RUNX2: variants seen among roughly 807,000 people sequenced by gnomAD.
RUNX2 encodes the protein RUNX family transcription factor 2, also known as runt-related transcription factor 2.
In RUNX2, 10 loss-of-function variants were observed where a neutral mutation model predicts 51.7. That is an observed-to-expected ratio of 0.19 (90% CI 0.12 to 0.33). The LOEUF (loss-of-function observed/expected upper bound fraction) is 0.33. Ranked by LOEUF, RUNX2 falls within the 10% of genes least tolerant of loss-of-function variation. The probability of loss-of-function intolerance (pLI) is 1.00; values close to 1 mark genes in which losing one functional copy is unlikely to be tolerated. For synonymous variants in RUNX2, 276 were observed against 273.6 expected (o/e 1.01, Z -0.09); for missense variants, 562 against 691.3 (o/e 0.81, Z 2.10).
intron 3 of RUNX2, 42 bp downstream of exon 3, chr6:45,422,999 G>T (rs1230348291): frequency 6.3e-7 from 1 of 1,590,508 alleles, no homozygotes; most frequent in Non-Finnish European, 8.5e-7. Context: ...CGGGAGCGGC[G>T]GAACCTGCCC....
intron 2 of RUNX2, among the ~76,000 whole-genome samples, chr6:45,420,878 C>G (rs543999814): frequency 1.3e-5 from 2 of 152,306 alleles, no homozygotes; most frequent in East Asian, 1.9e-4. Context: ...TAATGATCGA[C>G]TTAGCCAGAG....
intron 2 of RUNX2, among the ~76,000 whole-genome samples, chr6:45,338,670 G>A (rs1432612898): frequency 6.6e-6 from 1 of 151,976 alleles, no homozygotes; most frequent in Non-Finnish European, 1.5e-5. Flanking sequence ...TTTTTATACT[G>A]GGCAATATAA....
intron 6 of RUNX2, among the ~76,000 whole-genome samples, chr6:45,496,197 C>G (rs1800642249): frequency 6.6e-6 from 1 of 152,170 alleles, no homozygotes; most frequent in African/African-American, 2.4e-5. Flanking sequence ...TCATTATCCT[C>G]TAGATGGGTC....
chr6:45,379,768 A>T (rs1238578800), intron 2 of RUNX2, among the ~76,000 whole-genome samples: 1 of 152,138 alleles, frequency 6.6e-6, no homozygotes, highest in Non-Finnish European at 1.5e-5. Context: ...CGGGAGGCTG[A>T]GGCAGGAGAA....
intron 7 of RUNX2, among the ~76,000 whole-genome samples, chr6:45,535,166 A>G (rs1396214971): frequency 1.3e-5 from 2 of 152,146 alleles, no homozygotes; most frequent in African/African-American, 4.8e-5. Flanking sequence ...CTGGACGATG[A>G]AATAATCTGT....
chr6:45,543,677 G>A (rs1228215770), intron 7 of RUNX2, among the ~76,000 whole-genome samples: 1 of 152,090 alleles, frequency 6.6e-6, no homozygotes, highest in East Asian at 1.9e-4. Flanking sequence ...ATGTTGGTAA[G>A]TTTGTGGCTA....
At chr6:45,535,194 C>T (rs1409593846) in intron 7 of RUNX2, among the ~76,000 whole-genome samples, 1 of 151,918 alleles carries the variant, frequency 6.6e-6, no homozygotes. Context: ...ACCTCCGAGT[C>T]ACAAGTTTAT....
chr6:45,408,317 T>C (rs993565749), intron 2 of RUNX2, among the ~76,000 whole-genome samples: 5 of 151,872 alleles, frequency 3.3e-5, no homozygotes, highest in Non-Finnish European at 7.4e-5. Context: ...AAGGGAAATA[T>C]GAAGGGAGAA....
chr6:45,438,812 G>A (rs920724352), intron 5 of RUNX2, among the ~76,000 whole-genome samples: 1 of 151,848 alleles, frequency 6.6e-6, no homozygotes, highest in African/African-American at 2.4e-5. Flanking sequence ...TCAGCATAGC[G>A]GTATTTGAAT....
intron 8 of RUNX2, among the ~76,000 whole-genome samples, 161 bp from the exon 9 acceptor site, chr6:45,546,666 A>G (rs1802410435): frequency 6.6e-6 from 1 of 152,164 alleles, no homozygotes; most frequent in Admixed American, 6.5e-5. Context: ...AGTGGGGGAA[A>G]AAGACTGTAA....
chr6:45,399,349 CTTTTTTTTTTTT>C (rs398048486), intron 2 of RUNX2, among the ~76,000 whole-genome samples: 3 of 57,376 alleles, frequency 5.2e-5, no homozygotes, highest in South Asian at 1.2e-3. Flanking sequence ...CTTTTCTTTC[CTTTTTTTTTTTT>C]TTTTTTTTTT....
At chr6:45,408,790 G>A (rs1797890747) in intron 2 of RUNX2, among the ~76,000 whole-genome samples, 1 of 152,126 alleles carries the variant, frequency 6.6e-6, no homozygotes, top group African/African-American at 2.4e-5. Flanking sequence ...GAAGGATGGT[G>A]CCTCAAGTGA....
intron 5 of RUNX2, among the ~76,000 whole-genome samples, chr6:45,453,085 T>C (rs557250205): frequency 6.6e-6 from 1 of 152,282 alleles, no homozygotes; most frequent in East Asian, 1.9e-4. Context: ...CTTCTTATGA[T>C]TTTTACATTT....
intron 7 of RUNX2, among the ~76,000 whole-genome samples, chr6:45,528,432 C>T (rs182898505): frequency 4.6e-5 from 7 of 152,158 alleles, no homozygotes; most frequent in Admixed American, 3.9e-4. Flanking sequence ...ATTAGCCTGG[C>T]CAACACAGTG....
At chr6:45,348,674 CAAAA>C (rs574845659) in intron 2 of RUNX2, among the ~76,000 whole-genome samples, 1 of 76,028 alleles carries the variant, frequency 1.3e-5, no homozygotes. Flanking sequence ...AACTCCAACT[CAAAA>C]AAAAAAAAAA....
intron 5 of RUNX2, among the ~76,000 whole-genome samples, chr6:45,458,673 G>A (rs1008680036): frequency 2.6e-5 from 4 of 152,118 alleles, no homozygotes; most frequent in Non-Finnish European, 5.9e-5. Flanking sequence ...AATAAACTGC[G>A]AATGGAATCT....
At chr6:45,340,235 A>G (rs1004216501) in intron 2 of RUNX2, among the ~76,000 whole-genome samples, 9 of 152,186 alleles carry the variant, frequency 5.9e-5, no homozygotes, top group Non-Finnish European at 1.0e-4. Context: ...ACCCTGCCAC[A>G]TATCTTTAAG....
chr6:45,363,890 TA>T (rs1419732915), intron 2 of RUNX2, among the ~76,000 whole-genome samples: 3 of 151,886 alleles, frequency 2.0e-5, no homozygotes, highest in Non-Finnish European at 4.4e-5. Flanking sequence ...AGTTAATGCA[TA>T]AATTTCTTTC....
chr6:45,478,647 TG>T (rs1456251023), intron 5 of RUNX2, among the ~76,000 whole-genome samples: 1 of 152,026 alleles, frequency 6.6e-6, no homozygotes, highest in Non-Finnish European at 1.5e-5. Context: ...AATGTGTGTG[TG>T]TGTGTGTGTG....
Sources: gnomAD v4.1 joint callset for allele counts (sites outside exome capture counted in the v4.1 genomes callset) on GRCh38, gnomAD v4.1.1 for gene constraint, MANE v1.5 for transcripts, NCBI Gene and HGNC (gene_info 2026-07-23, HGNC 2026-07-21) for gene names.